TXNRD2: variants seen among roughly 807,000 people sequenced by gnomAD.
The protein encoded by TXNRD2 is thioredoxin reductase 2, also known as thioredoxin reductase 2, mitochondrial.
Under a neutral mutation model 70.8 loss-of-function variants are expected in TXNRD2, and 67 were observed. The ratio of observed to expected loss-of-function variants is 0.95; its 90% CI spans 0.78 to 1.16. The LOEUF (loss-of-function observed/expected upper bound fraction) is 1.16, where lower values mean the gene tolerates loss of function less well. TXNRD2 is among the 50% of genes most tolerant of loss of function. The probability of loss-of-function intolerance (pLI) is 0.00; values close to 1 mark genes in which losing one functional copy is unlikely to be tolerated. For missense variants in TXNRD2, 644 were observed against 719.9 expected (o/e 0.89, Z 1.21); for synonymous variants, 301 against 295.8 (o/e 1.02, Z -0.18).
intron 11 of TXNRD2, chr22:19,891,511 C>T (rs544598496): frequency 6.6e-6 from 1 of 152,464 alleles, no homozygotes; most frequent in Non-Finnish European, 1.5e-5. Flanking sequence ...CAGTCTGTCC[C>T]TTCTTTAAAA....
At chr22:19,927,668 AAAAGAAAAGAAAGAAAG>A (rs1440249453) in intron 2 of TXNRD2, among the ~76,000 whole-genome samples, 8 of 148,248 alleles carry the variant, frequency 5.4e-5, no homozygotes, top group Non-Finnish European at 1.2e-4. Context: ...AAAAAAAAAA[AAAAGAAAAGAAAGAAAG>A]AAAGAAAAGA....
At chr22:19,890,091 A>G (rs77244512) in intron 11 of TXNRD2, among the ~76,000 whole-genome samples, 87 of 152,336 alleles carry the variant, frequency 5.7e-4, no homozygotes, top group African/African-American at 2.0e-3. Flanking sequence ...CTGGTGGGTA[A>G]GCACAGGGCG....
At chr22:19,941,598 GCACCCCCACGGGGA>G (rs1189116634) in intron 1 of TXNRD2, 89 bp downstream of exon 1, 22 of 1,339,158 alleles carry the variant, frequency 1.6e-5, no homozygotes, top group Non-Finnish European at 2.0e-5. Context: ...CCCCGCGTGG[GCACCCCCACGGGGA>G]CACCCTGGCC....
chr22:19,907,176 GCA>G (rs1601430018), intron 8 of TXNRD2, among the ~76,000 whole-genome samples: 21 of 87,920 alleles, frequency 2.4e-4, no homozygotes, highest in East Asian at 3.2e-4. Flanking sequence ...GAGTGTGGGC[GCA>G]CCATGAGTAG....
chr22:19,902,938 T>C (rs1939842751), intron 8 of TXNRD2: 1 of 518,724 alleles, frequency 1.9e-6, no homozygotes, highest in African/African-American at 1.9e-5. Context: ...AGTACCTGGC[T>C]GGCTTCCGGA....
chr22:19,934,243 G>A (rs1424709340), intron 1 of TXNRD2, among the ~76,000 whole-genome samples: 4 of 152,092 alleles, frequency 2.6e-5, no homozygotes, highest in South Asian at 4.1e-4. Flanking sequence ...TCTAAAAGGA[G>A]AAACTGCAGG....
intron 12 of TXNRD2, 113 bp downstream of exon 12, chr22:19,883,212 C>T: frequency 7.2e-7 from 1 of 1,393,950 alleles, no homozygotes; most frequent in Non-Finnish European, 9.8e-7. Context: ...GAGCCTCTGT[C>T]ATCAGAGAAA....
chr22:19,926,006 A>C (rs1190454550), intron 2 of TXNRD2, among the ~76,000 whole-genome samples: 2 of 151,206 alleles, frequency 1.3e-5, no homozygotes, highest in African/African-American at 4.9e-5. Context: ...TCTACTAAAA[A>C]TACAAAATTA....
At chr22:19,930,021 G>C (rs1194042020) in intron 2 of TXNRD2, among the ~76,000 whole-genome samples, 2 of 152,186 alleles carry the variant, frequency 1.3e-5, no homozygotes, top group African/African-American at 2.4e-5. Context: ...CAGGTGCCCG[G>C]TCTGCTAAAA....
At chr22:19,893,280 C>G (rs1462015823) in intron 11 of TXNRD2, among the ~76,000 whole-genome samples, 2 of 152,220 alleles carry the variant, frequency 1.3e-5, no homozygotes, top group Non-Finnish European at 2.9e-5. Flanking sequence ...GACAACGGAC[C>G]AGGCTCAGCA....
chr22:19,940,710 T>A (rs1458349600), intron 1 of TXNRD2, among the ~76,000 whole-genome samples: 1 of 152,154 alleles, frequency 6.6e-6, no homozygotes, highest in Non-Finnish European at 1.5e-5. Context: ...CATTTAACCT[T>A]CCTGAGCTTG....
At chr22:19,885,196 G>A (rs1938969468) in intron 11 of TXNRD2, among the ~76,000 whole-genome samples, 4 of 152,216 alleles carry the variant, frequency 2.6e-5, no homozygotes, top group Admixed American at 6.5e-5. Flanking sequence ...GATGGCCACA[G>A]CAGCTTTTCC....
chr22:19,918,003 T>C, intron 5 of TXNRD2, 140 bp downstream of exon 5: 1 of 739,058 alleles, frequency 1.4e-6, no homozygotes, highest in South Asian at 1.5e-5. Context: ...CTCCTTGTCC[T>C]CATCCCCACC....
At chr22:19,909,863 ACACACACCACT>A in intron 8 of TXNRD2, among the ~76,000 whole-genome samples, 1 of 104,232 alleles carries the variant, frequency 9.6e-6, no homozygotes, top group Non-Finnish European at 1.8e-5. Flanking sequence ...CACACACCAC[ACACACACCACT>A]CACACACACC....
intron 9 of TXNRD2, among the ~76,000 whole-genome samples, chr22:19,898,790 G>A (rs1478292885): frequency 6.6e-6 from 1 of 152,140 alleles, no homozygotes; most frequent in Non-Finnish European, 1.5e-5. Flanking sequence ...CCAGGCTGGG[G>A]CTGCTCTTGA....
intron 1 of TXNRD2, among the ~76,000 whole-genome samples, chr22:19,931,696 T>A (rs1941366095): frequency 1.3e-5 from 2 of 151,928 alleles, no homozygotes; most frequent in African/African-American, 4.8e-5. Flanking sequence ...AGAGATGGGG[T>A]CTGGCTATGT....
intron 1 of TXNRD2, among the ~76,000 whole-genome samples, chr22:19,937,422 T>C (rs987636448): frequency 2.0e-5 from 3 of 152,222 alleles, no homozygotes; most frequent in Non-Finnish European, 4.4e-5. Flanking sequence ...TGTTGAAAAA[T>C]CTGTCTCTGA....
At chr22:19,912,510 T>A (rs1940458901) in intron 7 of TXNRD2, among the ~76,000 whole-genome samples, 1 of 152,250 alleles carries the variant, frequency 6.6e-6, no homozygotes, top group Admixed American at 6.5e-5. Flanking sequence ...CAGTGCTCCC[T>A]GGTGCGGATG....
chr22:19,899,212 G>T, intron 8 of TXNRD2, 144 bp from the exon 9 acceptor site: 1 of 1,042,828 alleles, frequency 9.6e-7, no homozygotes. Context: ...CTTGCCCCAG[G>T]GGACAAAGCC....
Sources: allele counts gnomAD v4.1 joint callset (sites outside exome capture counted in the v4.1 genomes callset), GRCh38; gene constraint gnomAD v4.1.1; transcripts MANE v1.5; gene names NCBI Gene and HGNC (gene_info 2026-07-23, HGNC 2026-07-21).